The following STXBP4 variants were observed in gnomAD, a reference collection of about 807,000 sequenced individuals.
STXBP4 encodes the protein syntaxin binding protein 4, also known as syntaxin-binding protein 4.
Under a neutral mutation model 76.1 loss-of-function variants are expected in STXBP4, and 55 were observed. The ratio of observed to expected loss-of-function variants is 0.72; its 90% CI spans 0.58 to 0.91. The LOEUF (loss-of-function observed/expected upper bound fraction) is 0.91. Among genes scored for constraint, STXBP4 ranks in the 40% least tolerant of loss-of-function variants. The pLI, the probability that STXBP4 is intolerant of heterozygous loss-of-function variation, is 0.00. For synonymous variants in STXBP4, 201 were observed against 220.2 expected, an observed-to-expected ratio of 0.91 and a Z score of 0.77; for missense variants, 618 against 636.9, an observed-to-expected ratio of 0.97 and a Z score of 0.32.
intron 16 of STXBP4, among the ~76,000 whole-genome samples, chr17:55,133,832 G>T (rs1415844115): frequency 6.6e-6 from 1 of 152,206 alleles, no homozygotes; most frequent in African/African-American, 2.4e-5. Flanking sequence ...AGGGCAAATG[G>T]TAGCCTCACT....
At chr17:55,204,912 C>G in the STXBP4 span, among the ~76,000 whole-genome samples, 24 of 151,974 alleles carry the variant, frequency 1.6e-4, no homozygotes, top group Non-Finnish European at 3.2e-4. Flanking sequence ...ATATTTCTTA[C>G]TGTCTTGGCA....
At chr17:55,099,380 T>C (rs1047559890) in intron 16 of STXBP4, among the ~76,000 whole-genome samples, 3 of 152,214 alleles carry the variant, frequency 2.0e-5, no homozygotes, top group Non-Finnish European at 4.4e-5. Flanking sequence ...TGTGCAAATA[T>C]CATATTGTAT....
rs369667994 is a variant in STXBP4 at position 55,014,875 on chromosome 17, C to G, written c.666+7278C>G. Among the ~76,000 whole-genome samples, 213 of 152,138 alleles carry G rather than the reference C, an allele frequency of 1.4e-3. 1 individual carries two copies. Among genetic ancestry groups the G allele is most frequent in the African/African-American group, 4.9e-3 (204 of 41,520 alleles). Reference sequence around the variant, plus strand: ...CAGCTTTTCCCTTTTCCAGAGTCTCCAAAGTCCGCTTGCCTGAGGGCCATG... The same window carrying G: ...CAGCTTTTCCCTTTTCCAGAGTCTCGAAAGTCCGCTTGCCTGAGGGCCATG... On this transcript the variant is annotated intron_variant, in intron 8 of 17. Transcript: ENST00000376352.
At chr17:55,120,692 C>A (rs910221355) in intron 16 of STXBP4, among the ~76,000 whole-genome samples, 6 of 152,172 alleles carry the variant, frequency 3.9e-5, no homozygotes, top group Admixed American at 6.6e-5. Flanking sequence ...TGCTGCAGAG[C>A]ATTGAGTATT....
chr17:55,026,668 C>T (rs2078421184), intron 8 of STXBP4, among the ~76,000 whole-genome samples: 1 of 152,146 alleles, frequency 6.6e-6, no homozygotes, highest in South Asian at 2.1e-4. Context: ...GTGGGAAGAG[C>T]ATAGCATGCA....
intron 10 of STXBP4, among the ~76,000 whole-genome samples, chr17:55,038,628 G>A (rs1005821757): frequency 6.6e-6 from 1 of 151,902 alleles, no homozygotes; most frequent in Non-Finnish European, 1.5e-5. Flanking sequence ...AATTCACACA[G>A]TGCTACACCT....
chr17:55,110,257 A>G (rs1303570469), intron 16 of STXBP4, among the ~76,000 whole-genome samples: 2 of 152,218 alleles, frequency 1.3e-5, no homozygotes, highest in Non-Finnish European at 2.9e-5. Context: ...CAACATGGAT[A>G]ATCTATTCTT....
intron 1 of STXBP4, among the ~76,000 whole-genome samples, chr17:54,971,341 T>G (rs1402865773): frequency 6.6e-6 from 1 of 152,228 alleles, no homozygotes; most frequent in East Asian, 1.9e-4. Flanking sequence ...TTTCTCAAAG[T>G]GCTGAAGGCT....
At chr17:55,079,290 T>C (rs2079227266) in intron 15 of STXBP4, among the ~76,000 whole-genome samples, 1 of 152,178 alleles carries the variant, frequency 6.6e-6, no homozygotes, top group Non-Finnish European at 1.5e-5. Flanking sequence ...CTAATCAAAT[T>C]TATTTATTTC....
In STXBP4 at chr17:55,108,803, C is replaced by T. The variant is rs1276650583; in HGVS notation, c.1489+27620C>T. Among the ~76,000 whole-genome samples, 4 of 152,180 alleles carry T rather than the reference C, an allele frequency of 2.6e-5. No individual in the cohort carries two copies. In the South Asian group the frequency reaches 8.3e-4, roughly 32 times the overall value. The stretch of plus-strand genomic sequence containing the variant: ...CAGTTGGAAATGCAGAAATCACCTG[C>T]CTTCTGCATTGATCTCGCTGGGAGC... On this transcript the variant is annotated intron_variant, in intron 16 of 17. Transcript: ENST00000376352.
At chr17:55,092,964 A>T (rs916532761) in intron 16 of STXBP4, among the ~76,000 whole-genome samples, 1 of 138,684 alleles carries the variant, frequency 7.2e-6, no homozygotes, top group Non-Finnish European at 1.6e-5. Flanking sequence ...ACAAAAAAAC[A>T]TTTTTTTTGT....
At chr17:55,015,843 T>C (rs1398477524) in intron 8 of STXBP4, among the ~76,000 whole-genome samples, 1 of 152,196 alleles carries the variant, frequency 6.6e-6, no homozygotes, top group African/African-American at 2.4e-5. Flanking sequence ...TGTCTCTTAA[T>C]GAAAAGAAAG....
At chr17:55,154,169 C>T (rs1390626627) in intron 17 of STXBP4, among the ~76,000 whole-genome samples, 2 of 152,146 alleles carry the variant, frequency 1.3e-5, no homozygotes, top group Non-Finnish European at 2.9e-5. Context: ...CTAATGGCCT[C>T]AGAGTCCTCT....
chr17:55,040,811 T>C (rs956933595), intron 10 of STXBP4, among the ~76,000 whole-genome samples: 8 of 152,168 alleles, frequency 5.3e-5, no homozygotes, highest in African/African-American at 1.9e-4. Flanking sequence ...TTAAGGAATA[T>C]AAATTTCAGT....
rs1259373110 is a variant in STXBP4, at chr17:55,173,181, A to G, written c.*13270A>G. On this transcript the variant is annotated 3_prime_UTR_variant, in exon 18 of 18. Transcript: ENST00000376352. ...TGAGTTGTTATAGTTAAAGTTTATT[A>G]TTTTTTAATGCAGAAAAAAGTGACT... 6.6e-6 allele frequency: 1 copy of G among 152,148 alleles called. No homozygotes were observed. The highest frequency in any genetic ancestry group is 1.9e-4 in the East Asian group (1 of 5,198). The allele number at this position is 152,148 out of a possible 1,614,324, so 9.4% of individuals were successfully genotyped here.
At chr17:55,206,528 C>T in the STXBP4 span, among the ~76,000 whole-genome samples, 9 of 152,080 alleles carry the variant, frequency 5.9e-5, no homozygotes, top group African/African-American at 2.2e-4. Context: ...TTCCTCCTAC[C>T]GTTGTTGATG....
At chr17:55,046,541 C>T (rs924095741) in intron 11 of STXBP4, among the ~76,000 whole-genome samples, 2 of 151,816 alleles carry the variant, frequency 1.3e-5, no homozygotes, top group African/African-American at 2.4e-5. Flanking sequence ...ATATGCTTGA[C>T]TTAATTTCAA....
At chr17:55,197,734 C>G in the STXBP4 span, among the ~76,000 whole-genome samples, 1 of 148,382 alleles carries the variant, frequency 6.7e-6, no homozygotes, top group African/African-American at 2.5e-5. Context: ...CAGAGTGAGA[C>G]TCAGTCTCAA....
At chr17:55,192,142 TTCTG>T in the STXBP4 span, among the ~76,000 whole-genome samples, 7 of 152,264 alleles carry the variant, frequency 4.6e-5, no homozygotes, top group South Asian at 2.1e-4. Context: ...CAATAAAAAA[TTCTG>T]TCTGTCTGAG....
Sources: allele counts gnomAD v4.1 joint callset (sites outside exome capture counted in the v4.1 genomes callset), GRCh38; gene constraint gnomAD v4.1.1; transcripts MANE v1.5; gene names NCBI Gene and HGNC (gene_info 2026-07-23, HGNC 2026-07-21).